The following NTRK3 variants were observed in gnomAD, a reference collection of about 807,000 sequenced individuals.
NTRK3 encodes NT-3 growth factor receptor.
A neutral mutation model predicts 91.7 loss-of-function variants in NTRK3; 24 were observed. The observed-to-expected ratio is 0.26, with a 90% CI of 0.19 to 0.37. The LOEUF is 0.37. Ranked by LOEUF, NTRK3 falls within the 10% of genes least tolerant of loss-of-function variation. The pLI is 1.00. For missense variants in NTRK3, 880 were observed against 1,068.9 expected, an observed-to-expected ratio of 0.82 and a Z score of 2.46; for synonymous variants, 483 against 404.0, an observed-to-expected ratio of 1.20 and a Z score of -2.34.
chr15:88,055,779 G>A (rs2142365073), intron 13 of NTRK3, among the ~76,000 whole-genome samples: 1 of 152,260 alleles, frequency 6.6e-6, no homozygotes, highest in African/African-American at 2.4e-5. Context: ...AAAATACCTA[G>A]ACTGGGAAAG....
chr15:88,037,834 T>C (rs1367830116), intron 13 of NTRK3, among the ~76,000 whole-genome samples: 1 of 152,232 alleles, frequency 6.6e-6, no homozygotes, highest in African/African-American at 2.4e-5. Flanking sequence ...GTTAATCTTA[T>C]AATGCCTCTG....
intron 13 of NTRK3, among the ~76,000 whole-genome samples, chr15:88,062,585 A>G (rs1019575585): frequency 6.6e-6 from 1 of 152,210 alleles, no homozygotes; most frequent in South Asian, 2.1e-4. Flanking sequence ...CAAGGTAAAG[A>G]TGGCAGAGCC....
chr15:88,145,868 G>A (rs2042844324), intron 6 of NTRK3, among the ~76,000 whole-genome samples: 1 of 152,068 alleles, frequency 6.6e-6, no homozygotes, highest in Non-Finnish European at 1.5e-5. Context: ...TTAAAATTAT[G>A]GTAGAATAGA....
intron 14 of NTRK3, among the ~76,000 whole-genome samples, chr15:88,025,906 C>G (rs1465001959): frequency 6.6e-6 from 1 of 152,112 alleles, no homozygotes; most frequent in Admixed American, 6.6e-5. Flanking sequence ...CTGCAGTGAG[C>G]TGGGATTGAG....
chr15:87,930,153 C>A (rs578063581), intron 16 of NTRK3, among the ~76,000 whole-genome samples: 19 of 152,310 alleles, frequency 1.2e-4, no homozygotes, highest in African/African-American at 3.8e-4. Context: ...CACTGGGTAA[C>A]TTATGGCCAT....
At chr15:88,126,450 G>A in intron 12 of NTRK3, 77 bp from the exon 13 acceptor site, 1 of 911,818 alleles carries the variant, frequency 1.1e-6, no homozygotes, top group African/African-American at 1.6e-5. Context: ...TGTGTGCCCA[G>A]ATAAGAACAG....
At chr15:88,251,468 A>G (rs1206311688) in intron 3 of NTRK3, among the ~76,000 whole-genome samples, 2 of 152,214 alleles carry the variant, frequency 1.3e-5, no homozygotes, top group African/African-American at 4.8e-5. Flanking sequence ...TGGGATTCAC[A>G]TGATCCATCC....
intron 5 of NTRK3, among the ~76,000 whole-genome samples, chr15:88,178,609 C>A (rs1160648892): frequency 1.3e-5 from 2 of 152,172 alleles, no homozygotes; most frequent in Non-Finnish European, 2.9e-5. Context: ...AGAAATGGAG[C>A]CCAAGAGAGA....
At chr15:88,130,504 G>A (rs148688842) in intron 10 of NTRK3, among the ~76,000 whole-genome samples, 134 of 152,144 alleles carry the variant, frequency 8.8e-4, no homozygotes, top group African/African-American at 3.1e-3. Context: ...GAGAAACCTG[G>A]CAGACACCAC....
intron 13 of NTRK3, among the ~76,000 whole-genome samples, chr15:88,083,009 C>A (rs908318859): frequency 6.6e-6 from 1 of 152,212 alleles, no homozygotes; most frequent in South Asian, 2.1e-4. Context: ...TCAAGGCCAA[C>A]ATACTTTGGA....
intron 13 of NTRK3, among the ~76,000 whole-genome samples, chr15:88,040,409 T>G (rs1215880476): frequency 6.6e-6 from 1 of 152,150 alleles, no homozygotes; most frequent in Non-Finnish European, 1.5e-5. Context: ...GGGAAAGTTC[T>G]TCTCAGGGTT....
intron 17 of NTRK3, among the ~76,000 whole-genome samples, chr15:87,890,709 C>T (rs532741985): frequency 6.6e-5 from 10 of 152,212 alleles, no homozygotes; most frequent in Admixed American, 2.0e-4. Context: ...TCTCACATAA[C>T]GCCAATAAAT....
At chr15:87,911,474 A>G (rs529575278) in intron 17 of NTRK3, among the ~76,000 whole-genome samples, 7 of 152,324 alleles carry the variant, frequency 4.6e-5, no homozygotes, top group Non-Finnish European at 8.8e-5. Context: ...TAGAAACCCA[A>G]TGGGGATGGA....
chr15:87,984,977 T>C (rs1470536982), intron 14 of NTRK3, among the ~76,000 whole-genome samples: 2 of 152,204 alleles, frequency 1.3e-5, no homozygotes, highest in African/African-American at 4.8e-5. Flanking sequence ...ATTATGTTTA[T>C]TGTACTAGGT....
At chr15:88,183,557 C>G in intron 4 of NTRK3, 68 bp from the exon 5 acceptor site, 1 of 1,457,148 alleles carries the variant, frequency 6.9e-7, no homozygotes, top group African/African-American at 1.4e-5. Flanking sequence ...TGGGCTGAGG[C>G]TGGCAGGGGG....
At chr15:87,868,751 A>G (rs1295789316) in exon 19 of NTRK3, 1 of 222,822 alleles carries the variant, frequency 4.5e-6, no homozygotes, top group Non-Finnish European at 9.0e-6. Context: ...AGTCTGGCTC[A>G]TTCTGGAGCC....
chr15:88,016,483 T>G (rs2077241356), intron 14 of NTRK3, among the ~76,000 whole-genome samples: 1 of 152,240 alleles, frequency 6.6e-6, no homozygotes, highest in African/African-American at 2.4e-5. Flanking sequence ...TTGGATCACT[T>G]TGCTGAAAAC....
rs939052043 is a variant in NTRK3, at chr15:88,141,695, G to C, written c.465-4134C>G. On this transcript the variant is annotated intron_variant, in intron 6 of 18. Transcript: ENST00000394480. ...AGCACTTGATGCTGTGCTGCCTCCT[G>C]TCTGGTCCCTGCACTGCTGCACATC... is the stretch of plus-strand genomic sequence containing the variant. Among the ~76,000 whole-genome samples, 5 of 152,368 alleles carry C rather than the reference G, an allele frequency of 3.3e-5. No homozygotes were observed. The East Asian group carries it at 7.7e-4, about 24-fold the overall frequency.
At chr15:88,256,517 GCA>G (rs1491277309) in intron 1 of NTRK3, 31 bp from the exon 2 acceptor site, 4 of 481,870 alleles carry the variant, frequency 8.3e-6, no homozygotes, top group South Asian at 4.1e-5. Context: ...CGGTGGGGAG[GCA>G]AAAAAAAAAA....
Sources: allele counts gnomAD v4.1 joint callset (sites outside exome capture counted in the v4.1 genomes callset), GRCh38; gene constraint gnomAD v4.1.1; transcripts MANE v1.5; gene names NCBI Gene and HGNC (gene_info 2026-07-23, HGNC 2026-07-21).